Variants in NBEA observed in about 807,000 individuals in gnomAD.
NBEA encodes the protein neurobeachin.
In NBEA, 44 loss-of-function variants were observed where a neutral mutation model predicts 343.4. The observed-to-expected ratio is 0.13, with a 90% CI of 0.10 to 0.16. NBEA has a LOEUF of 0.16. NBEA is among the 10% of genes least tolerant of loss of function. The pLI is 1.00. For synonymous variants in NBEA, 1,175 were observed against 1,238.7 expected (o/e 0.95, Z 1.08); for missense variants, 2,555 against 3,631.3 (o/e 0.70, Z 7.62).
chr13:34,993,392 T>C (rs1383370536), intron 1 of NBEA, among the ~76,000 whole-genome samples: 1 of 152,240 alleles, frequency 6.6e-6, no homozygotes, highest in Non-Finnish European at 1.5e-5. Context: ...GTAAGATGTA[T>C]AATGCAGTAT....
chr13:35,596,900 G>GAA (rs559805420), intron 47 of NBEA, among the ~76,000 whole-genome samples: 1 of 138,912 alleles, frequency 7.2e-6, no homozygotes, highest in African/African-American at 2.6e-5. Flanking sequence ...TCAGTCTTTT[G>GAA]AAAAAAAAAA....
At chr13:35,395,355 A>G (rs2042695174) in intron 38 of NBEA, among the ~76,000 whole-genome samples, 1 of 151,806 alleles carries the variant, frequency 6.6e-6, no homozygotes, top group Admixed American at 6.6e-5. Flanking sequence ...TTAAAAGTGT[A>G]TAGCACCTTC....
chr13:35,041,290 T>C, intron 2 of NBEA, 126 bp downstream of exon 2: 1 of 840,590 alleles, frequency 1.2e-6, no homozygotes. Context: ...TGGAAATGTG[T>C]GGAAATTTTA....
At chr13:35,431,486 C>T (rs1294208216) in intron 38 of NBEA, among the ~76,000 whole-genome samples, 2 of 151,956 alleles carry the variant, frequency 1.3e-5, no homozygotes, top group African/African-American at 4.8e-5. Context: ...GGGCTATTTC[C>T]ATCATTTCTG....
chr13:34,950,062 A>G (rs1320923281), intron 1 of NBEA, among the ~76,000 whole-genome samples: 1 of 152,020 alleles, frequency 6.6e-6, no homozygotes, highest in African/African-American at 2.4e-5. Flanking sequence ...CGATTTTTTG[A>G]TACTCTTTTA....
At chr13:35,266,647 A>G (rs995614949) in intron 34 of NBEA, among the ~76,000 whole-genome samples, 1 of 151,824 alleles carries the variant, frequency 6.6e-6, no homozygotes, top group African/African-American at 2.4e-5. Context: ...ACTCATAGGT[A>G]TAGAGAGTGG....
chr13:35,467,689 G>T (rs1376489308), intron 40 of NBEA, among the ~76,000 whole-genome samples: 2 of 152,010 alleles, frequency 1.3e-5, no homozygotes, highest in Non-Finnish European at 2.9e-5. Context: ...ATAATGTCAG[G>T]ATTTTAAGTT....
intron 30 of NBEA, among the ~76,000 whole-genome samples, chr13:35,187,442 CAGTA>C (rs1368807644): frequency 1.3e-5 from 2 of 150,238 alleles, no homozygotes; most frequent in East Asian, 1.9e-4. Context: ...AACATAGTAA[CAGTA>C]AGTATAATTT....
intron 41 of NBEA, among the ~76,000 whole-genome samples, chr13:35,481,941 A>G (rs1008400783): frequency 5.3e-5 from 8 of 151,830 alleles, no homozygotes; most frequent in South Asian, 4.1e-4. Flanking sequence ...GTTAATCCCT[A>G]CATCTGTACT....
chr13:35,300,066 T>C (rs1594125487), intron 35 of NBEA, among the ~76,000 whole-genome samples: 1 of 152,358 alleles, frequency 6.6e-6, no homozygotes, highest in East Asian at 1.9e-4. Flanking sequence ...TGTACTTTTC[T>C]TGTCACAAAG....
At chr13:35,432,667 T>A (rs565156507) in intron 39 of NBEA, among the ~76,000 whole-genome samples, 1 of 152,054 alleles carries the variant, frequency 6.6e-6, no homozygotes, top group South Asian at 2.1e-4. Flanking sequence ...CTTTCATATA[T>A]CCTAACACAA....
chr13:35,123,647 AT>A, intron 17 of NBEA, 73 bp downstream of exon 17: 1 of 903,908 alleles, frequency 1.1e-6, no homozygotes, highest in Non-Finnish European at 1.5e-6. Flanking sequence ...TTTCTATGTA[AT>A]GTAGCATGAA....
In NBEA at chr13:35,479,446, A is replaced by C. The variant is rs1566196730; in HGVS notation, c.6585+6910A>C. 2.0e-5 allele frequency among the ~76,000 whole-genome samples: 3 copies of C among 152,188 alleles called. No homozygotes were observed. In the South Asian group the frequency reaches 6.2e-4, roughly 31 times the overall value. On this transcript the variant is annotated intron_variant, in intron 41 of 58. Transcript: ENST00000379939. ...GCCCCTCATTGTTGAAGCGAGAATT[A>C]AGCTATTCGGAGAAGCGTGTTTTCC...
At chr13:35,280,810 T>C (rs1206827625) in intron 34 of NBEA, among the ~76,000 whole-genome samples, 2 of 152,088 alleles carry the variant, frequency 1.3e-5, no homozygotes, top group Non-Finnish European at 2.9e-5. Context: ...TGCCCTTTTT[T>C]AGATTTCCTA....
At chr13:35,475,076 T>C (rs2075801882) in intron 41 of NBEA, 3 of 1,612,376 alleles carry the variant, frequency 1.9e-6, no homozygotes, top group Non-Finnish European at 2.5e-6. Flanking sequence ...TTTTCCAAAC[T>C]TTTCGGGTTG....
chr13:35,335,762 A>C (rs2152852619), intron 36 of NBEA, among the ~76,000 whole-genome samples: 1 of 152,230 alleles, frequency 6.6e-6, no homozygotes, highest in East Asian at 1.9e-4. Flanking sequence ...GAGTTTAGGC[A>C]AATAGTGCGT....
chr13:35,246,916 G>A (rs1042223845), intron 34 of NBEA, among the ~76,000 whole-genome samples: 14 of 152,218 alleles, frequency 9.2e-5, no homozygotes, highest in Non-Finnish European at 1.8e-4. Context: ...TCAGGTGGGG[G>A]CAGGGTTAGG....
intron 39 of NBEA, among the ~76,000 whole-genome samples, chr13:35,450,033 A>C (rs767817096): frequency 2.0e-5 from 3 of 152,222 alleles, no homozygotes; most frequent in Non-Finnish European, 2.9e-5. Context: ...TTACTCTGGC[A>C]GCCTTTTGAG....
At chr13:35,254,000 G>A (rs1410684125) in intron 34 of NBEA, among the ~76,000 whole-genome samples, 1 of 152,098 alleles carries the variant, frequency 6.6e-6, no homozygotes, top group Admixed American at 6.6e-5. Flanking sequence ...TTGGAAATTA[G>A]TCAACTACAT....
Sources: allele counts gnomAD v4.1 joint callset (sites outside exome capture counted in the v4.1 genomes callset), GRCh38; gene constraint gnomAD v4.1.1; transcripts MANE v1.5; gene names NCBI Gene and HGNC (gene_info 2026-07-23, HGNC 2026-07-21).